CELF2: variants seen among roughly 807,000 people sequenced by gnomAD.
The protein encoded by CELF2 is CUGBP Elav-like family member 2.
A neutral mutation model predicts 62.6 loss-of-function variants in CELF2; 8 were observed. The ratio of observed to expected loss-of-function variants is 0.13; its 90% CI spans 0.07 to 0.23. The LOEUF is 0.23. Ranked by LOEUF, CELF2 falls within the 10% of genes least tolerant of loss-of-function variation. The pLI is 1.00. For missense variants in CELF2, 333 were observed against 671.0 expected, an observed-to-expected ratio of 0.50 and a Z score of 5.56; for synonymous variants, 258 against 250.0, an observed-to-expected ratio of 1.03 and a Z score of -0.30.
At chr10:11,151,772 GATA>G (rs1435285950) in intron 1 of CELF2, among the ~76,000 whole-genome samples, 1 of 152,106 alleles carries the variant, frequency 6.6e-6, no homozygotes, top group African/African-American at 2.4e-5. Flanking sequence ...AAAATAAGTA[GATA>G]AGGGCTTTTA....
At chr10:11,184,062 G>T (rs2074201702) in intron 2 of CELF2, among the ~76,000 whole-genome samples, 1 of 152,082 alleles carries the variant, frequency 6.6e-6, no homozygotes, top group African/African-American at 2.4e-5. Context: ...TTTAGTCTTT[G>T]ATCTATTTTG....
At chr10:10,613,392 G>A in the CELF2 span, among the ~76,000 whole-genome samples, 1 of 152,090 alleles carries the variant, frequency 6.6e-6, no homozygotes, top group Non-Finnish European at 1.5e-5. Flanking sequence ...TTACTTTCCG[G>A]AAGGCAATTG....
At chr10:11,286,957 C>T (rs980174411) in intron 8 of CELF2, among the ~76,000 whole-genome samples, 1 of 152,168 alleles carries the variant, frequency 6.6e-6, no homozygotes, top group African/African-American at 2.4e-5. Context: ...ACAGGAGGAA[C>T]TTTTTTCTAA....
chr10:11,096,758 ACT>A (rs2049992235), intron 1 of CELF2, among the ~76,000 whole-genome samples: 1 of 151,818 alleles, frequency 6.6e-6, no homozygotes, highest in African/African-American at 2.4e-5. Context: ...GCAACAAGTC[ACT>A]CTCTCTGTGT....
At chr10:10,841,331 A>T (rs1330764459) in intron 1 of CELF2, among the ~76,000 whole-genome samples, 1 of 126,120 alleles carries the variant, frequency 7.9e-6, no homozygotes, top group Non-Finnish European at 1.6e-5. Context: ...TATATTGTGC[A>T]TTTGATATAG....
the CELF2 span, among the ~76,000 whole-genome samples, chr10:10,682,953 T>A: frequency 6.6e-6 from 1 of 152,170 alleles, no homozygotes; most frequent in Non-Finnish European, 1.5e-5. Flanking sequence ...ACTCCTGGAT[T>A]GACAACATGG....
chr10:10,736,357 ATTCTTTCTTTCT>A, the CELF2 span, among the ~76,000 whole-genome samples: 33 of 109,662 alleles, frequency 3.0e-4, no homozygotes, highest in South Asian at 9.3e-4. Flanking sequence ...ACTGATTTCT[ATTCTTTCTTTCT>A]TTCTTTCTTT....
intron 1 of CELF2, among the ~76,000 whole-genome samples, chr10:10,856,097 A>T (rs1322655991): frequency 6.6e-6 from 1 of 152,186 alleles, no homozygotes; most frequent in Non-Finnish European, 1.5e-5. Flanking sequence ...GAAATGCAAG[A>T]CTGAGTGAGC....
intron 1 of CELF2, among the ~76,000 whole-genome samples, chr10:10,902,028 G>A (rs960141018): frequency 1.3e-5 from 2 of 152,144 alleles, no homozygotes; most frequent in African/African-American, 2.4e-5. Flanking sequence ...TGTACAGTGA[G>A]CTACCACTAT....
At chr10:11,275,261 G>T in intron 8 of CELF2, 141 bp downstream of exon 8, 2 of 876,298 alleles carry the variant, frequency 2.3e-6, no homozygotes, top group Non-Finnish European at 3.6e-6. Context: ...TGGTGTTAAC[G>T]TTGGAACCGC....
At chr10:10,932,670 A>ATGTGTGTG (rs1264193230) in intron 2 of CELF2, among the ~76,000 whole-genome samples, 2 of 120,556 alleles carry the variant, frequency 1.7e-5, no homozygotes, top group Non-Finnish European at 3.5e-5. Flanking sequence ...GTAAATATGT[A>ATGTGTGTG]TGTGTATGTG....
chr10:11,007,521 A>G (rs1331392981), intron 1 of CELF2, among the ~76,000 whole-genome samples: 1 of 152,184 alleles, frequency 6.6e-6, no homozygotes, highest in Non-Finnish European at 1.5e-5. Flanking sequence ...GCATAATCAT[A>G]TTTTTTAAGT....
the CELF2 span, among the ~76,000 whole-genome samples, chr10:10,606,004 A>G: frequency 2.6e-5 from 4 of 152,112 alleles, no homozygotes; most frequent in African/African-American, 9.7e-5. Flanking sequence ...TCATTTTACA[A>G]CCCTGAATGT....
At chr10:10,601,561 A>G in the CELF2 span, among the ~76,000 whole-genome samples, 3 of 152,148 alleles carry the variant, frequency 2.0e-5, no homozygotes, top group African/African-American at 7.2e-5. Context: ...GTTTTTCTTC[A>G]AAACATCCTG....
At chr10:10,781,149 C>T in the CELF2 span, among the ~76,000 whole-genome samples, 1 of 152,198 alleles carries the variant, frequency 6.6e-6, no homozygotes. Context: ...ATAGTACATA[C>T]AGTCTTGCAC....
In CELF2 at chr10:11,237,316, T is replaced by A. The variant is rs2071790186; in HGVS notation, c.355-11837T>A. 6.6e-6 allele frequency among the ~76,000 whole-genome samples: 1 copy of A among 152,160 alleles called. No individual in the cohort carries two copies. Among genetic ancestry groups the A allele is most frequent in the Admixed American group, 6.5e-5 (1 of 15,278 alleles). On this transcript the variant is annotated intron_variant, in intron 3 of 12. Coordinates refer to ENST00000633077, the MANE Select transcript of CELF2 (RefSeq NM_001326342.2). This position sits in a 1 kb window ranked among gnomAD's most constrained non-coding sequence, Gnocchi z 4.0. The stretch of plus-strand genomic sequence containing the variant: ...TGAGAAGCTGGAAGAGCTGCCCCCA[T>A]CCCGGGGTTGATGTCCCCATAAGCC...
chr10:10,858,453 G>A (rs2059875428), intron 1 of CELF2, among the ~76,000 whole-genome samples: 1 of 152,160 alleles, frequency 6.6e-6, no homozygotes, highest in African/African-American at 2.4e-5. Context: ...TAATGAGATA[G>A]AAAGAATGTG....
chr10:10,663,332 T>G, the CELF2 span, among the ~76,000 whole-genome samples: 1 of 152,200 alleles, frequency 6.6e-6, no homozygotes, highest in Non-Finnish European at 1.5e-5. Flanking sequence ...TTGCCTCATA[T>G]GTTGCAATTC....
rs114583292 is a variant in CELF2 at position 11,157,812 on chromosome 10, C to T, written c.75-7674C>T. On this transcript the variant is annotated intron_variant, in intron 1 of 12. Transcript: ENST00000633077. This position sits in a 1 kb window ranked among gnomAD's most constrained non-coding sequence, Gnocchi z 4.9. Reference sequence around the variant, plus strand: ...AAGTGTGTAGAGAGGGTTGTGAATCCGCACTGACCGTGTTCTCTTGCATAA... The same window carrying T: ...AAGTGTGTAGAGAGGGTTGTGAATCTGCACTGACCGTGTTCTCTTGCATAA... 8.8e-3 allele frequency among the ~76,000 whole-genome samples: 1,341 copies of T among 152,294 alleles called. 17 individuals are homozygous for T. The highest frequency in any genetic ancestry group is 0.031 in the African/African-American group (1,269 of 41,556).
Sources: gnomAD v4.1 joint callset for allele counts (sites outside exome capture counted in the v4.1 genomes callset) on GRCh38, gnomAD v4.1.1 for gene constraint, Gnocchi (gnomAD v3.1) non-coding constraint, MANE v1.5 for transcripts, NCBI Gene and HGNC (gene_info 2026-07-23, HGNC 2026-07-21) for gene names.